MYH7B: variants seen among roughly 807,000 people sequenced by gnomAD.
MYH7B encodes the protein myosin heavy chain 7B.
In MYH7B, 205 loss-of-function variants were observed where a neutral mutation model predicts 234.5. That is an observed-to-expected ratio of 0.87 (90% confidence interval 0.78 to 0.98). MYH7B has a LOEUF of 0.98. Among genes scored for constraint, MYH7B ranks in the 50% least tolerant of loss-of-function variants. The pLI, the probability that MYH7B is intolerant of heterozygous loss-of-function variation, is 0.00. For synonymous variants in MYH7B, 1,193 were observed against 1,105.0 expected (o/e 1.08, Z -1.58); for missense variants, 2,652 against 2,633.4 (o/e 1.01, Z -0.15).
intron 9 of MYH7B, 126 bp from the exon 10 acceptor site, chr20:34,982,333 C>A: frequency 1.3e-6 from 1 of 768,640 alleles, no homozygotes; most frequent in Non-Finnish European, 2.2e-6. Flanking sequence ...GAGGGTTGAT[C>A]CATCCTTGGG....
At chr20:34,972,061 C>G (rs2081798504) in intron 2 of MYH7B, among the ~76,000 whole-genome samples, 1 of 152,214 alleles carries the variant, frequency 6.6e-6, no homozygotes, top group Admixed American at 6.5e-5. Context: ...TCCGCTCTCA[C>G]CCGGGTGACA....
intron 2 of MYH7B, among the ~76,000 whole-genome samples, chr20:34,974,166 A>G (rs2081821472): frequency 1.3e-5 from 2 of 150,710 alleles, no homozygotes; most frequent in Admixed American, 6.6e-5. Context: ...ACCTCAGGTA[A>G]TCCACCCGCC....
chr20:34,996,684 T>A, exon 30 of MYH7B: 2 of 1,613,366 alleles, frequency 1.2e-6, no homozygotes, highest in Non-Finnish European at 1.7e-6. Context: ...AGCTGGAGGG[T>A]GACCTGAAGC....
Position 34,995,579 on chromosome 20 carries a change from G to A in MYH7B, c.2943+1G>A, listed in dbSNP as rs1485780656. On this transcript the variant is annotated splice_donor_variant, in intron 28 of 44. Transcript: ENST00000262873. LOFTEE classifies it high-confidence loss of function. Reference sequence around the variant, plus strand: ...GGAGAAGCAAGCCACTGAGAACAAGGTGTGGGCCGGGCCAGCTGTGGGGAA... The same window carrying A: ...GGAGAAGCAAGCCACTGAGAACAAGATGTGGGCCGGGCCAGCTGTGGGGAA... 6.2e-7 allele frequency: 1 copy of A among 1,613,742 alleles called. No individual in the cohort carries two copies. Among genetic ancestry groups the A allele is most frequent in the African/African-American group, 1.3e-5 (1 of 74,950 alleles).
chr20:34,988,691 C>T (rs1457567390), intron 19 of MYH7B, among the ~76,000 whole-genome samples: 1 of 151,322 alleles, frequency 6.6e-6, no homozygotes, highest in Non-Finnish European at 1.5e-5. Flanking sequence ...ACCCATTGTA[C>T]AAAGAATGGA....
chr20:34,990,531 G>A (rs771647258), intron 22 of MYH7B: 10 of 821,590 alleles, frequency 1.2e-5, no homozygotes, highest in Non-Finnish European at 2.2e-5. Context: ...TGGGGCTCTG[G>A]GAGGGACGGG....
At chr20:34,979,787 G>T in exon 7 of MYH7B, 4 of 1,613,880 alleles carry the variant, frequency 2.5e-6, no homozygotes, top group Non-Finnish European at 3.4e-6. Flanking sequence ...CCAGCGCTAT[G>T]CCCGCTGGAT....
chr20:34,997,437 C>G, exon 32 of MYH7B: 1 of 1,470,234 alleles, frequency 6.8e-7, no homozygotes, highest in Non-Finnish European at 8.9e-7. Context: ...GGGGAGGCTG[C>G]GGCGGGAGCT....
At chr20:34,999,883 A>G (rs1600476473) in exon 38 of MYH7B, 1 of 1,613,780 alleles carries the variant, frequency 6.2e-7, no homozygotes, top group Non-Finnish European at 8.5e-7. Flanking sequence ...TGGCAGAGAA[A>G]GACGAGGAGT....
chr20:34,988,740 T>C (rs2082081874), intron 19 of MYH7B, among the ~76,000 whole-genome samples: 1 of 152,112 alleles, frequency 6.6e-6, no homozygotes. Flanking sequence ...GAAAAAATGT[T>C]TCTCCCCATT....
exon 34 of MYH7B, chr20:34,998,585 C>A: frequency 6.2e-7 from 1 of 1,613,568 alleles, no homozygotes; most frequent in South Asian, 1.1e-5. Context: ...CCTGGCCGCC[C>A]AAAGCCTGGA....
chr20:34,985,352 G>A (rs1454043184), intron 13 of MYH7B, among the ~76,000 whole-genome samples: 1 of 152,058 alleles, frequency 6.6e-6, no homozygotes, highest in Admixed American at 6.6e-5. Flanking sequence ...TAGTTTTGCT[G>A]GTCATATCCT....
At chr20:34,997,297 C>T (rs1437073420) in exon 32 of MYH7B, 2 of 1,554,420 alleles carry the variant, frequency 1.3e-6, no homozygotes, top group African/African-American at 1.4e-5. Context: ...GAGCGGGCAG[C>T]CCGGGCCCGC....
chr20:34,972,580 A>G (rs1238933757), intron 2 of MYH7B, among the ~76,000 whole-genome samples: 3 of 152,174 alleles, frequency 2.0e-5, no homozygotes, highest in South Asian at 4.2e-4. Context: ...TGTCAGCTCT[A>G]TGAGGGAAGG....
At chr20:34,989,560 CTT>C (rs2082100380) in intron 19 of MYH7B, among the ~76,000 whole-genome samples, 178 bp from the exon 20 acceptor site, 1 of 152,200 alleles carries the variant, frequency 6.6e-6, no homozygotes, top group Non-Finnish European at 1.5e-5. Context: ...AAGCCACAAA[CTT>C]TTCTCTGTTA....
exon 36 of MYH7B, chr20:34,999,369 C>A: frequency 6.5e-7 from 1 of 1,534,568 alleles, no homozygotes; most frequent in African/African-American, 1.4e-5. Flanking sequence ...ACTTGAAGCC[C>A]TGGAGACGCT....
exon 15 of MYH7B, chr20:34,986,984 A>G: frequency 1.2e-6 from 2 of 1,613,286 alleles, no homozygotes; most frequent in East Asian, 2.2e-5. Context: ...GCTCATCGCC[A>G]CCGACGTATG....
rs965467070 is a variant in MYH7B at position 35,000,627 on chromosome 20, C to T, written c.5116C>T (p.Arg1706Trp). The T allele has an allele frequency of 9.5e-6, 15 of 1,576,652 alleles. No individual in the cohort carries two copies. The highest frequency in any genetic ancestry group is 9.1e-5 in the South Asian group (8 of 87,456). ...TGCCCTGGAGCAGGGCGAGCGCAGC[C>T]GGCGACTGGCAGAGCAGGAGCTTTT... Residue 1706 changes from arginine to tryptophan, a missense_variant, in exon 39 of 45, where the codon CGG becomes TGG. By Grantham distance (101) the Arg-to-Trp change is moderately radical. Around this residue, in one of 3 missense-constraint regions of MYH7B, gnomAD observed 2,279 missense variants for 2,211.4 expected, o/e 1.03. Coordinates refer to ENST00000262873, the Ensembl canonical transcript of MYH7B.
At chr20:34,983,276 T>C (rs2081965680) in intron 10 of MYH7B, among the ~76,000 whole-genome samples, 1 of 117,760 alleles carries the variant, frequency 8.5e-6, no homozygotes. Context: ...CTCTTTCTTT[T>C]TTCTTTCTTT....
Sources: allele counts gnomAD v4.1 joint callset (sites outside exome capture counted in the v4.1 genomes callset), GRCh38; gene constraint gnomAD v4.1.1; regional missense constraint gnomAD v4.1.1; transcripts MANE v1.5; gene names NCBI Gene and HGNC (gene_info 2026-07-23, HGNC 2026-07-21).